The following ASPA variants were observed in gnomAD, a reference collection of about 807,000 sequenced individuals.
The protein encoded by ASPA is aspartoacylase.
A neutral mutation model predicts 29.6 loss-of-function variants in ASPA; 25 were observed. The observed-to-expected ratio is 0.85, with a 90% CI of 0.62 to 1.18. The LOEUF is 1.18. Among genes scored for constraint, ASPA ranks in the 50% most tolerant of loss-of-function variants. The probability of loss-of-function intolerance (pLI) is 0.00; values close to 1 mark genes in which losing one functional copy is unlikely to be tolerated. For synonymous variants in ASPA, 131 were observed against 130.3 expected (o/e 1.01, Z -0.04); for missense variants, 333 against 385.7 (o/e 0.86, Z 1.14).
In ASPA at chr17:3,490,125, A is replaced by G. The variant is rs2073799333; in HGVS notation, c.634+783A>G. 6.6e-6 allele frequency among the ~76,000 whole-genome samples: 1 copy of G among 152,212 alleles called. No individual in the cohort carries two copies. The highest frequency in any genetic ancestry group is 1.5e-5 in the Non-Finnish European group (1 of 68,030). On this transcript the variant is annotated intron_variant, in intron 4 of 5. Transcript: ENST00000263080. The surrounding 1 kb of genome is among the most constrained non-coding windows in gnomAD (Gnocchi z 4.6). ...ATATATATGTTAACACATCACAGGG[A>G]AAGTCCTAGAAGAAAACACACCAAA...
intron 1 of ASPA, among the ~76,000 whole-genome samples, chr17:3,480,529 C>G (rs1426598163): frequency 6.6e-6 from 1 of 152,196 alleles, no homozygotes; most frequent in Non-Finnish European, 1.5e-5. Flanking sequence ...GCCAGCTGAT[C>G]TGTCAACTCA....
intron 5 of ASPA, among the ~76,000 whole-genome samples, chr17:3,495,898 T>G (rs1597447119): frequency 6.8e-6 from 1 of 146,584 alleles, no homozygotes. Flanking sequence ...AGGTAAAGAC[T>G]GGGGGAGAGA....
chr17:3,502,130 AG>A lies in ASPA; in HGVS notation c.*3044del, dbSNP rs1455144079. The A allele has an allele frequency of 1.1e-4, 16 of 152,278 alleles. No homozygotes were observed. Among genetic ancestry groups the A allele is most frequent in the Non-Finnish European group, 1.5e-5 (1 of 68,054 alleles). The allele number at this position is 152,278 out of a possible 1,614,324, so 9.4% of individuals were successfully genotyped here. On this transcript the variant is annotated 3_prime_UTR_variant, in exon 6 of 6. Coordinates refer to ENST00000263080, the MANE Select transcript of ASPA (RefSeq NM_000049.4). ...CCCTCAGTGCCCAACCACCCTGATC[AG>A]GCAGCCATCATCAAGGCAAGGCCCT...
chr17:3,476,545 T>C (rs760211853), intron 1 of ASPA, 150 bp downstream of exon 1: 2 of 792,942 alleles, frequency 2.5e-6, no homozygotes, highest in Non-Finnish European at 4.2e-6. Context: ...CTTTTAATTA[T>C]ACTGCATTGT....
intron 4 of ASPA, among the ~76,000 whole-genome samples, chr17:3,493,364 C>A (rs1042233929): frequency 1.3e-5 from 2 of 151,968 alleles, no homozygotes; most frequent in Non-Finnish European, 2.9e-5. Flanking sequence ...AAATCGAGAC[C>A]ATCCTGGCCA....
chr17:3,496,774 T>C (rs2073913648), intron 5 of ASPA, among the ~76,000 whole-genome samples: 1 of 152,174 alleles, frequency 6.6e-6, no homozygotes, highest in Non-Finnish European at 1.5e-5. Context: ...TTTTTAAAAA[T>C]GCTGATTCCT....
chr17:3,475,854 TATTA>T (rs888344298), upstream of ASPA: 9 of 350,964 alleles, frequency 2.6e-5, no homozygotes, highest in Admixed American at 8.6e-5. Context: ...AATGCTAATT[TATTA>T]CTGTATTTAG....
chr17:3,495,821 C>A (rs2073899505), intron 5 of ASPA, among the ~76,000 whole-genome samples: 1 of 152,182 alleles, frequency 6.6e-6, no homozygotes, highest in Non-Finnish European at 1.5e-5. Flanking sequence ...CCTGCCTCGG[C>A]CTCCCAAAGT....
intron 4 of ASPA, 68 bp from the exon 5 acceptor site, chr17:3,494,282 G>T: frequency 8.1e-7 from 1 of 1,227,694 alleles, no homozygotes; most frequent in South Asian, 1.2e-5. Flanking sequence ...GGGATGACAG[G>T]CATGAGCCAC....
In ASPA at chr17:3,476,065, G is replaced by A. The variant is rs141751741; in HGVS notation, c.-95G>A. The A allele has an allele frequency of 1.4e-5, 17 of 1,186,526 alleles. No individual in the cohort carries two copies. The East Asian group carries it at 3.9e-4, about 27-fold the overall frequency. The allele number at this position is 1,186,526 out of a possible 1,614,324, so 73.5% of individuals were successfully genotyped here. The stretch of plus-strand genomic sequence containing the variant: ...TTCTGTACTTTGCCCTTTGGGTAAA[G>A]TCTCATTTACATTTCTAAACCTTTC... On this transcript the variant is annotated 5_prime_UTR_variant, in exon 1 of 6. Transcript: ENST00000263080.
At chr17:3,475,699 G>A, upstream of ASPA, 1 of 179,678 alleles carries the variant, frequency 5.6e-6, no homozygotes, top group Non-Finnish European at 1.2e-5. Flanking sequence ...GTTTTGAAAT[G>A]CCCGTGGAAA....
rs752106022 is a variant in ASPA, at chr17:3,501,577, GA to G, written c.*2492del. On this transcript the variant is annotated 3_prime_UTR_variant, in exon 6 of 6. Coordinates refer to ENST00000263080, the MANE Select transcript of ASPA (RefSeq NM_000049.4). ...TGTTGCAGATGCTGTGAACACTGTT[GA>G]AATGACAAAGGATTTAGAATATTAC... The G allele has an allele frequency of 1.2e-5, 2 of 162,364 alleles. No homozygotes were observed. Among genetic ancestry groups the G allele is most frequent in the Non-Finnish European group, 1.3e-5 (1 of 75,932 alleles). 10.1% of individuals were successfully genotyped at this position (162,364 alleles called of 1,614,324 possible).
chr17:3,479,776 T>A (rs1325025687), intron 1 of ASPA, among the ~76,000 whole-genome samples: 1 of 152,154 alleles, frequency 6.6e-6, no homozygotes, highest in Non-Finnish European at 1.5e-5. Context: ...AATTAGCCCA[T>A]TGTACACAGT....
chr17:3,477,246 T>C (rs1250148856), intron 1 of ASPA, among the ~76,000 whole-genome samples: 4 of 152,216 alleles, frequency 2.6e-5, no homozygotes, highest in Admixed American at 2.6e-4. Context: ...TGGATTGTTG[T>C]AGATGGGATA....
In ASPA at chr17:3,481,812, T is replaced by A; in HGVS notation, c.432+14T>A. On this transcript the variant is annotated intron_variant, in intron 2 of 5. Transcript: ENST00000263080. ...CATTACATTAAGGTAATGTTAATGTTATTAATTTATAAGTTAGCAAAGGAC... is the reference window on the plus strand; with the variant it reads ...CATTACATTAAGGTAATGTTAATGTAATTAATTTATAAGTTAGCAAAGGAC... The A allele has an allele frequency of 6.4e-7, 1 of 1,566,596 alleles. No homozygotes were observed. The highest frequency in any genetic ancestry group is 8.7e-7 in the Non-Finnish European group (1 of 1,146,816).
chr17:3,481,579 T>A, intron 1 of ASPA, 24 bp from the exon 2 acceptor site: 2 of 1,601,062 alleles, frequency 1.2e-6, no homozygotes, highest in Non-Finnish European at 1.7e-6. Flanking sequence ...ATGTTGTTCA[T>A]CTTTTTCTTT....
Position 3,490,966 on chromosome 17 carries a change from A to G in ASPA, c.634+1624A>G, listed in dbSNP as rs546437545. Among the ~76,000 whole-genome samples the G allele has an allele frequency of 1.3e-5, 2 of 152,330 alleles. No individual in the cohort carries two copies. The highest frequency in any genetic ancestry group is 4.8e-5 in the African/African-American group (2 of 41,574). On this transcript the variant is annotated intron_variant, in intron 4 of 5. Coordinates refer to ENST00000263080, the MANE Select transcript of ASPA (RefSeq NM_000049.4). The surrounding 1 kb of genome is among the most constrained non-coding windows in gnomAD (Gnocchi z 4.6). ...TTGTCAACCACGATTAATTTAGACT[A>G]TCCAGCTTGGTGGATTTTCAACTGA... is the stretch of plus-strand genomic sequence containing the variant.
chr17:3,476,707 A>G (rs909293421), intron 1 of ASPA, among the ~76,000 whole-genome samples: 2 of 152,200 alleles, frequency 1.3e-5, no homozygotes, highest in African/African-American at 4.8e-5. Context: ...AAAGAAACAG[A>G]TTTAATACTC....
In ASPA at chr17:3,501,091, A is replaced by C. The variant is rs558648718; in HGVS notation, c.*2003A>C. 2.6e-5 allele frequency: 4 copies of C among 152,300 alleles called. No individual in the cohort carries two copies. The East Asian group carries it at 7.7e-4, about 29-fold the overall frequency. The allele number at this position is 152,300 out of a possible 1,614,324, so 9.4% of individuals were successfully genotyped here. A position where few individuals can be genotyped will look rare whatever the true frequency, so the allele number is the denominator to read the frequency against. ...ACATCCAGCCGAAGCCCATGGATCA[A>C]GGCGTCATTGTGACTTTCAAATCTA... is the stretch of plus-strand genomic sequence containing the variant. On this transcript the variant is annotated 3_prime_UTR_variant, in exon 6 of 6. Coordinates refer to ENST00000263080, the MANE Select transcript of ASPA (RefSeq NM_000049.4).
Sources: gnomAD v4.1 joint callset for allele counts (sites outside exome capture counted in the v4.1 genomes callset) on GRCh38, gnomAD v4.1.1 for gene constraint, Gnocchi (gnomAD v3.1) non-coding constraint, MANE v1.5 for transcripts, NCBI Gene and HGNC (gene_info 2026-07-23, HGNC 2026-07-21) for gene names.